Variants in RANBP17 observed in about 807,000 individuals in gnomAD.
RANBP17 encodes RAN binding protein 17, also known as ran-binding protein 17.
A neutral mutation model predicts 141.2 loss-of-function variants in RANBP17; 158 were observed. That is an observed-to-expected ratio of 1.12 (90% CI 0.98 to 1.28). The LOEUF (loss-of-function observed/expected upper bound fraction) is 1.28, where lower values mean the gene tolerates loss of function less well. Ranked by LOEUF, RANBP17 falls within the 50% of genes most tolerant of loss-of-function variation. The pLI, the probability that RANBP17 is intolerant of heterozygous loss-of-function variation, is 0.00. For missense variants in RANBP17, 1,438 were observed against 1,290.7 expected, an observed-to-expected ratio of 1.11 and a Z score of -1.75; for synonymous variants, 430 against 450.0, an observed-to-expected ratio of 0.96 and a Z score of 0.56.
At chr5:171,089,267 G>A (rs1356179467) in intron 14 of RANBP17, among the ~76,000 whole-genome samples, 3 of 99,904 alleles carry the variant, frequency 3.0e-5, no homozygotes, top group Non-Finnish European at 7.1e-5. Flanking sequence ...CAGTTAGGCT[G>A]CTCGGGGGTC....
chr5:171,089,700 C>A (rs566930900), intron 14 of RANBP17, among the ~76,000 whole-genome samples: 72 of 151,666 alleles, frequency 4.7e-4, no homozygotes, highest in African/African-American at 1.6e-3. Flanking sequence ...GCGCAATATT[C>A]GGGTGGGAGT....
chr5:170,907,705 G>T (rs975590511), intron 5 of RANBP17, among the ~76,000 whole-genome samples: 3 of 150,110 alleles, frequency 2.0e-5, no homozygotes, highest in African/African-American at 7.3e-5. Flanking sequence ...TCACAGATTA[G>T]TTTTAAGGAA....
chr5:171,183,224 C>A lies in RANBP17; in HGVS notation c.1923C>A (p.Asn641Lys). Residue 641 changes from asparagine to lysine, a missense_variant, in exon 17 of 28, where the codon AAC becomes AAA. Asn to Lys is a moderately conservative substitution (Grantham distance 94). Coordinates refer to ENST00000523189, the MANE Select transcript of RANBP17 (RefSeq NM_022897.5). ...ATGCTGTGAAATTCATGCTAAAAAA[C>A]CACACGGTAAGTCTTATTTCTTTAA... ...KIDAVKFMLK[N>K]HTSEHFPFLG... 1.3e-6 allele frequency: 2 copies of A among 1,598,814 alleles called. No individual in the cohort carries two copies. The highest frequency in any genetic ancestry group is 1.3e-5 in the African/African-American group (1 of 74,700).
At chr5:171,098,460 C>A (rs1786865153) in intron 14 of RANBP17, among the ~76,000 whole-genome samples, 1 of 152,100 alleles carries the variant, frequency 6.6e-6, no homozygotes, top group African/African-American at 2.4e-5. Flanking sequence ...TGTTCATATC[C>A]TTTGCCCATT....
intron 25 of RANBP17, among the ~76,000 whole-genome samples, chr5:171,271,834 TG>T (rs1346968852): frequency 6.6e-6 from 1 of 152,242 alleles, no homozygotes; most frequent in East Asian, 1.9e-4. Context: ...GCTACAATCT[TG>T]GTTTTAACAG....
At chr5:170,964,188 A>T (rs927377910) in intron 13 of RANBP17, among the ~76,000 whole-genome samples, 1 of 152,212 alleles carries the variant, frequency 6.6e-6, no homozygotes, top group East Asian at 1.9e-4. Flanking sequence ...TATCAAAATT[A>T]TAATAATTTA....
chr5:171,212,240 A>G (rs1363997776), intron 20 of RANBP17, among the ~76,000 whole-genome samples: 1 of 152,218 alleles, frequency 6.6e-6, no homozygotes, highest in Admixed American at 6.5e-5. Context: ...GAAATGCACT[A>G]TCTAATGGGG....
chr5:170,924,722 A>AT (rs567998381), intron 12 of RANBP17, 172 bp downstream of exon 12: 21,355 of 355,860 alleles, frequency 0.06, 1 homozygote, highest in Middle Eastern at 0.094. Flanking sequence ...TTGTTGGTTG[A>AT]TTTTTTTTTT....
intron 14 of RANBP17, among the ~76,000 whole-genome samples, chr5:171,092,902 TA>T (rs1451513034): frequency 6.6e-6 from 1 of 152,218 alleles, no homozygotes; most frequent in East Asian, 1.9e-4. Context: ...TGTCCACTAA[TA>T]TTTAGTTTGG....
chr5:171,298,020 C>A (rs915995197), intron 27 of RANBP17, among the ~76,000 whole-genome samples: 1 of 151,742 alleles, frequency 6.6e-6, no homozygotes, highest in African/African-American at 2.4e-5. Flanking sequence ...CCACACCTGG[C>A]TAATTTTTTA....
chr5:170,896,797 T>A (rs1770163014), intron 5 of RANBP17: 2 of 402,722 alleles, frequency 5.0e-6, no homozygotes, highest in African/African-American at 2.1e-5. Context: ...GCCACTGCAC[T>A]CCACCCTGGG....
At chr5:170,891,797 T>G (rs1257394644) in intron 3 of RANBP17, among the ~76,000 whole-genome samples, 1 of 152,150 alleles carries the variant, frequency 6.6e-6, no homozygotes, top group Non-Finnish European at 1.5e-5. Context: ...CCTCCAACAT[T>G]GGGGACATGA....
intron 14 of RANBP17, among the ~76,000 whole-genome samples, chr5:171,067,920 T>C (rs190876852): frequency 1.6e-3 from 242 of 152,276 alleles, no homozygotes; most frequent in Admixed American, 2.9e-3. Context: ...AGTCATATCT[T>C]TCAGCAAATT....
intron 14 of RANBP17, among the ~76,000 whole-genome samples, chr5:171,022,040 G>C (rs1780894177): frequency 2.0e-5 from 3 of 151,982 alleles, no homozygotes; most frequent in African/African-American, 7.3e-5. Flanking sequence ...TCCTCTGTAG[G>C]GTTTGCTGGG....
At chr5:171,280,925 C>T (rs143900847) in intron 25 of RANBP17, among the ~76,000 whole-genome samples, 4 of 152,256 alleles carry the variant, frequency 2.6e-5, no homozygotes, top group African/African-American at 7.2e-5. Context: ...GTTTTACAGT[C>T]GGTATACCTG....
At chr5:171,298,501 C>T (rs967561617) in intron 27 of RANBP17, among the ~76,000 whole-genome samples, 1 of 152,158 alleles carries the variant, frequency 6.6e-6, no homozygotes, top group African/African-American at 2.4e-5. Context: ...AAAAGTAGAA[C>T]CACAAAATGT....
intron 14 of RANBP17, among the ~76,000 whole-genome samples, chr5:170,982,807 T>C (rs1001174091): frequency 6.6e-6 from 1 of 152,078 alleles, no homozygotes; most frequent in Non-Finnish European, 1.5e-5. Flanking sequence ...AGCATCAGGA[T>C]TGGAAAAAGA....
At chr5:170,983,743 A>C (rs1363805580) in intron 14 of RANBP17, among the ~76,000 whole-genome samples, 1 of 152,218 alleles carries the variant, frequency 6.6e-6, no homozygotes, top group Non-Finnish European at 1.5e-5. Context: ...GGACAATTAC[A>C]ACATAGTTTT....
At chr5:170,993,410 T>C (rs1778631309) in intron 14 of RANBP17, among the ~76,000 whole-genome samples, 1 of 152,072 alleles carries the variant, frequency 6.6e-6, no homozygotes, top group Non-Finnish European at 1.5e-5. Context: ...CTTTCTAAAA[T>C]ACATATTTTT....
Sources: allele counts gnomAD v4.1 joint callset (sites outside exome capture counted in the v4.1 genomes callset), GRCh38; gene constraint gnomAD v4.1.1; transcripts MANE v1.5; gene names NCBI Gene and HGNC (gene_info 2026-07-23, HGNC 2026-07-21).